Variants in IL7 observed in about 807,000 individuals in gnomAD.
IL7 encodes interleukin-7.
In IL7, 3 loss-of-function variants were observed where a neutral mutation model predicts 21.6. That is an observed-to-expected ratio of 0.14 (90% CI 0.06 to 0.36). The LOEUF is 0.36. Ranked by LOEUF, IL7 falls within the 10% of genes least tolerant of loss-of-function variation. The pLI is 1.00. For missense variants in IL7, 175 were observed against 200.2 expected, an observed-to-expected ratio of 0.87 and a Z score of 0.76; for synonymous variants, 62 against 68.1, an observed-to-expected ratio of 0.91 and a Z score of 0.44.
chr8:78,745,448 ATTTG>A (rs1237610853), intron 2 of IL7, among the ~76,000 whole-genome samples: 2 of 152,182 alleles, frequency 1.3e-5, no homozygotes, highest in African/African-American at 4.8e-5. Context: ...TCCAAAGAAC[ATTTG>A]TTTCTTTCTG....
At chr8:78,724,037 G>T in intron 3 of IL7, 1 of 165,382 alleles carries the variant, frequency 6.0e-6, no homozygotes, top group South Asian at 2.0e-4. Context: ...CAAACTCACT[G>T]GTTGCGTGGG....
intron 3 of IL7, among the ~76,000 whole-genome samples, chr8:78,700,926 G>A (rs977739868): frequency 6.6e-6 from 1 of 152,290 alleles, no homozygotes; most frequent in African/African-American, 2.4e-5. Context: ...CAGGCAGCAT[G>A]ATGCCTCCAG....
chr8:78,675,741 A>C (rs749258946), downstream of IL7: 5 of 1,483,344 alleles, frequency 3.4e-6, 1 homozygote, highest in Admixed American at 5.7e-5. Context: ...GAAGTTTCAC[A>C]ATTTCAAGTT....
intron 2 of IL7, among the ~76,000 whole-genome samples, chr8:78,772,267 G>A (rs778047788): frequency 1.7e-4 from 26 of 152,120 alleles, no homozygotes; most frequent in Non-Finnish European, 3.4e-4. Flanking sequence ...TTTAATAGAA[G>A]AGTTGACAAT....
chr8:78,740,151 A>G, intron 2 of IL7, 69 bp from the exon 3 acceptor site: 1 of 914,388 alleles, frequency 1.1e-6, no homozygotes, highest in Non-Finnish European at 1.5e-6. Flanking sequence ...AATTATAAAA[A>G]ATAATAATCT....
chr8:78,721,279 C>T (rs1264880144), intron 4 of IL7: 1 of 151,948 alleles, frequency 6.6e-6, no homozygotes, highest in Non-Finnish European at 1.5e-5. Context: ...TCAGCATTTC[C>T]CATTTTTTCT....
downstream of IL7, among the ~76,000 whole-genome samples, chr8:78,731,959 T>G (rs994239792): frequency 2.0e-5 from 3 of 152,104 alleles, no homozygotes; most frequent in African/African-American, 7.2e-5. Flanking sequence ...TTTAACACTG[T>G]TAGGGAACAT....
intron 2 of IL7, among the ~76,000 whole-genome samples, chr8:78,757,978 G>T (rs966590926): frequency 1.3e-5 from 2 of 151,942 alleles, no homozygotes; most frequent in African/African-American, 4.8e-5. Flanking sequence ...AAGTTCTATT[G>T]CCAGCCCTCA....
Position 78,769,481 on chromosome 8 carries a change from C to T in IL7, c.147+28591G>A, listed in dbSNP as rs931313269. Reference sequence around the variant, plus strand: ...ACCTAGGAATCCAACTTACAAGGGACGTGAAGGACCTCTTCAAGGAGAACT... The same window carrying T: ...ACCTAGGAATCCAACTTACAAGGGATGTGAAGGACCTCTTCAAGGAGAACT... On this transcript the variant is annotated intron_variant, in intron 2 of 5. Coordinates refer to ENST00000263851, the MANE Select transcript of IL7 (RefSeq NM_000880.4). 3.4e-3 allele frequency among the ~76,000 whole-genome samples: 511 copies of T among 151,984 alleles called. 5 individuals are homozygous for T. Among genetic ancestry groups the T allele is most frequent in the East Asian group, 0.02 (103 of 5,172 alleles).
chr8:78,762,124 T>C, intron 2 of IL7: 1 of 1,597,020 alleles, frequency 6.3e-7, no homozygotes, highest in Admixed American at 1.7e-5. Flanking sequence ...CTTTTATTCG[T>C]TTTCTGTGTC....
chr8:78,790,940 A>G (rs1368490324), intron 2 of IL7, among the ~76,000 whole-genome samples: 1 of 152,012 alleles, frequency 6.6e-6, no homozygotes, highest in Non-Finnish European at 1.5e-5. Context: ...AAAAAGTAAA[A>G]TGATTCATAT....
downstream of IL7, among the ~76,000 whole-genome samples, chr8:78,731,161 C>G (rs1435730627): frequency 6.6e-6 from 1 of 151,902 alleles, no homozygotes; most frequent in African/African-American, 2.4e-5. Context: ...AGCAAAGAAA[C>G]TTTTCTAGTT....
At chr8:78,739,413 GC>G (rs1207197143) in intron 3 of IL7, among the ~76,000 whole-genome samples, 1 of 152,116 alleles carries the variant, frequency 6.6e-6, no homozygotes, top group Non-Finnish European at 1.5e-5. Flanking sequence ...AAATTTAGAG[GC>G]CAGGCACCGT....
chr8:78,780,986 G>A (rs1054865509), intron 2 of IL7, among the ~76,000 whole-genome samples: 1 of 152,096 alleles, frequency 6.6e-6, no homozygotes, highest in Non-Finnish European at 1.5e-5. Flanking sequence ...ATTATGTAAT[G>A]CCTTTATCTT....
intron 3 of IL7, among the ~76,000 whole-genome samples, chr8:78,704,366 T>A (rs1810701792): frequency 7.2e-6 from 1 of 139,082 alleles, no homozygotes; most frequent in Non-Finnish European, 1.5e-5. Flanking sequence ...CCAGCCTGGG[T>A]GACAGAGTGA....
At chr8:78,797,974 G>T in intron 2 of IL7, 98 bp downstream of exon 2, 1 of 916,230 alleles carries the variant, frequency 1.1e-6, no homozygotes, top group Non-Finnish European at 1.6e-6. Flanking sequence ...TCACTTTCTT[G>T]TCAAGAAAGA....
At chr8:78,778,123 T>G (rs1362320691) in intron 2 of IL7, among the ~76,000 whole-genome samples, 2 of 152,094 alleles carry the variant, frequency 1.3e-5, no homozygotes, top group Non-Finnish European at 2.9e-5. Flanking sequence ...TATTTAAGAG[T>G]CTAGCTCTCT....
intron 3 of IL7, among the ~76,000 whole-genome samples, chr8:78,693,820 T>A (rs1169873911): frequency 6.6e-6 from 1 of 152,234 alleles, no homozygotes; most frequent in Non-Finnish European, 1.5e-5. Context: ...GCCTGTGTCC[T>A]GAATGGTATT....
chr8:78,724,189 G>A (rs540710553), intron 3 of IL7: 1 of 152,030 alleles, frequency 6.6e-6, no homozygotes, highest in Non-Finnish European at 1.5e-5. Context: ...TTTTAAAACA[G>A]GTTCTTTTTT....
Sources: gnomAD v4.1 joint callset for allele counts (sites outside exome capture counted in the v4.1 genomes callset) on GRCh38, gnomAD v4.1.1 for gene constraint, MANE v1.5 for transcripts, NCBI Gene and HGNC (gene_info 2026-07-23, HGNC 2026-07-21) for gene names.